The following SLC17A2 variants were observed in gnomAD, a reference collection of about 807,000 sequenced individuals.
The protein encoded by SLC17A2 is solute carrier family 17 member 2, also known as sodium-dependent phosphate transport protein 3.
In SLC17A2, 38 loss-of-function variants were observed where a neutral mutation model predicts 52.1. The ratio of observed to expected loss-of-function variants is 0.73; its 90% CI spans 0.56 to 0.96. The LOEUF (loss-of-function observed/expected upper bound fraction) is 0.96, where lower values mean the gene tolerates loss of function less well. Ranked by LOEUF, SLC17A2 falls within the 40% of genes least tolerant of loss-of-function variation. The probability of loss-of-function intolerance (pLI) is 0.00; values close to 1 mark genes in which losing one functional copy is unlikely to be tolerated. For missense variants in SLC17A2, 508 were observed against 583.9 expected (o/e 0.87, Z 1.34); for synonymous variants, 226 against 211.9 (o/e 1.07, Z -0.58).
rs1241761584 is a variant in SLC17A2 at position 25,916,717 on chromosome 6, T to C, written c.898A>G (p.Ile300Val). The C allele has an allele frequency of 2.5e-6, 4 of 1,613,832 alleles. No individual in the cohort carries two copies. The highest frequency in any genetic ancestry group is 3.4e-6 in the Non-Finnish European group (4 of 1,179,712). ...TIILTYLPTYISTLLHVNIRD... is the reference protein window; with the variant it reads ...TIILTYLPTYVSTLLHVNIRD... ...ATGTTAACATGGAGCAGAGTACTGATATACGTTGGTAGGTATGTTAGGATG... is the reference window on the plus strand; with the variant it reads ...ATGTTAACATGGAGCAGAGTACTGACATACGTTGGTAGGTATGTTAGGATG... The change falls in exon 8 of 12, where the codon ATC (isoleucine) becomes GTC (valine). Residue 300 changes from isoleucine (I) to valine (V), a missense_variant. Physicochemically the swap from Ile to Val is conservative, Grantham distance 29. Transcript: ENST00000377850.
Position 25,923,836 on chromosome 6 carries a change from C to T in SLC17A2, c.99G>A (p.Thr33=), listed in dbSNP as rs143097622. 259 of 1,614,176 alleles carry T rather than the reference C, an allele frequency of 1.6e-4. No individual in the cohort carries two copies. Among genetic ancestry groups the T allele is most frequent in the Middle Eastern group, 3.3e-4 (2 of 6,058 alleles). The change falls in exon 3 of 12, where the codon ACG becomes ACA. Residue 33 remains threonine (T), a synonymous_variant. Coordinates refer to ENST00000377850, the MANE Select transcript of SLC17A2 (RefSeq NM_001286123.3). ...TCGCAATGCTCAGACTCACACGCTGCGTTATCATGGTGAAGTTTGAGAAGT... is the reference window on the plus strand; with the variant it reads ...TCGCAATGCTCAGACTCACACGCTGTGTTATCATGGTGAAGTTTGAGAAGT... ...IMHFSNFTMI[T]QRVSLSIAII... is the part of the protein sequence containing the mutation.
Position 25,916,708 on chromosome 6 carries a change from GA to G in SLC17A2, c.906del (p.Leu303CysfsTer26). On this transcript the variant is annotated frameshift_variant, in exon 8 of 12. Coordinates refer to ENST00000377850, the MANE Select transcript of SLC17A2 (RefSeq NM_001286123.3). LOFTEE classifies it high-confidence loss of function. The part of the protein sequence containing the change: ...ILTYLPTYIS[T>X]LLHVNIRDSG... ...ACATCTCTGATGTTAACATGGAGCA[GA>G]GTACTGATATACGTTGGTAGGTATG... 1 of 1,613,516 alleles carries G rather than the reference GA, an allele frequency of 6.2e-7. No individual in the cohort carries two copies. Among genetic ancestry groups the G allele is most frequent in the Non-Finnish European group, 8.5e-7 (1 of 1,179,400 alleles).
At chr6:25,920,346 A>G (rs535569253) in intron 5 of SLC17A2, among the ~76,000 whole-genome samples, 1 of 152,282 alleles carries the variant, frequency 6.6e-6, no homozygotes, top group Admixed American at 6.5e-5. Flanking sequence ...ATCACATACC[A>G]TGGAAAGGCA....
At chr6:25,914,489 T>C in intron 11 of SLC17A2, 91 bp downstream of exon 11, 1 of 806,690 alleles carries the variant, frequency 1.2e-6, no homozygotes, top group Non-Finnish European at 2.2e-6. Flanking sequence ...AGAGTAATTG[T>C]GTTGCCATCC....
At position 25,923,883 on chromosome 6, in the gene SLC17A2, A is replaced by G. The variant is rs769746868; in HGVS notation, c.52T>C (p.Tyr18His). 3 of 1,614,146 alleles carry G rather than the reference A, an allele frequency of 1.9e-6. No individual in the cohort carries two copies. Among genetic ancestry groups the G allele is most frequent in the East Asian group, 2.2e-5 (1 of 44,880 alleles). Reference sequence around the variant, plus strand: ...AAGTGCATGATAAGAGCCAGCCCATAGCGTAATGAACAGAAATCTGGACCT... The same window carrying G: ...AAGTGCATGATAAGAGCCAGCCCATGGCGTAATGAACAGAAATCTGGACCT... ...RKGPDFCSLR[Y>H]GLALIMHFSN... Residue 18 changes from tyrosine (Y) to histidine (H), a missense_variant, in exon 3 of 12, where the codon TAT becomes CAT. By Grantham distance (83) the Tyr-to-His change is moderately conservative (BLOSUM62 2). Transcript: ENST00000377850.
intron 11 of SLC17A2, 117 bp from the exon 12 acceptor site, chr6:25,913,568 G>A (rs2151540182): frequency 1.1e-6 from 1 of 949,006 alleles, no homozygotes; most frequent in Non-Finnish European, 1.6e-6. Context: ...GGAACAATGT[G>A]CAGTAGTTAC....
chr6:25,927,615 T>A (rs1377249076), intron 1 of SLC17A2, among the ~76,000 whole-genome samples: 1 of 152,270 alleles, frequency 6.6e-6, no homozygotes, highest in Non-Finnish European at 1.5e-5. Flanking sequence ...ATAATTGGAC[T>A]TCATCAGCAT....
intron 11 of SLC17A2, 81 bp downstream of exon 11, chr6:25,914,499 C>A: frequency 1.1e-6 from 1 of 880,704 alleles, no homozygotes; most frequent in East Asian, 2.5e-5. Context: ...TGTTGCCATC[C>A]AGATCTTTAG....
chr6:25,918,595 A>G (rs769030947), intron 5 of SLC17A2, 22 bp from the exon 6 acceptor site: 2 of 1,531,410 alleles, frequency 1.3e-6, no homozygotes, highest in South Asian at 2.2e-5. Flanking sequence ...AGGGAGAAAA[A>G]CACTTATGAA....
At position 25,923,727 on chromosome 6, in the gene SLC17A2, A is replaced by C. The variant is rs750851628; in HGVS notation, c.208T>G (p.Ser70Ala). Residue 70 changes from serine (S) to alanine (A), a missense_variant, in exon 3 of 12, where the codon TCC becomes GCC. Physicochemically the swap from Ser to Ala is moderately conservative, Grantham distance 99. Coordinates refer to ENST00000377850, the MANE Select transcript of SLC17A2 (RefSeq NM_001286123.3). ...EGPVADAFNN[S>A]SISIKEFDTK... ...TCAAATTCCTTGATGGATATGCTGGAGTTATTGAAGGCATCTGCAACAGGC... is the reference window on the plus strand; with the variant it reads ...TCAAATTCCTTGATGGATATGCTGGCGTTATTGAAGGCATCTGCAACAGGC... 6.2e-7 allele frequency: 1 copy of C among 1,614,062 alleles called. No homozygotes were observed. Among genetic ancestry groups the C allele is most frequent in the South Asian group, 1.1e-5 (1 of 91,076 alleles).
chr6:25,914,742 A>C, intron 10 of SLC17A2, 72 bp from the exon 11 acceptor site: 1 of 915,568 alleles, frequency 1.1e-6, no homozygotes, highest in South Asian at 1.4e-5. Flanking sequence ...ACTCAACTTT[A>C]ATGCAATTCA....
intron 2 of SLC17A2, 114 bp downstream of exon 2, chr6:25,925,655 A>G (rs532774886): frequency 4.9e-5 from 49 of 991,656 alleles, no homozygotes; most frequent in African/African-American, 7.9e-5. Context: ...GCTGGCTCCA[A>G]TGTTACACTG....
intron 5 of SLC17A2, among the ~76,000 whole-genome samples, chr6:25,919,839 G>A (rs935884312): frequency 1.3e-5 from 2 of 152,070 alleles, no homozygotes; most frequent in South Asian, 4.1e-4. Context: ...AGAGCCAGAG[G>A]GAAGTGCAGT....
chr6:25,922,297 C>CT (rs1230275427), intron 3 of SLC17A2, among the ~76,000 whole-genome samples: 1 of 152,154 alleles, frequency 6.6e-6, no homozygotes, highest in South Asian at 2.1e-4. Context: ...AATACTTGAA[C>CT]TATCCCTTGA....
Position 25,925,977 on chromosome 6 carries a change from G to C in SLC17A2, c.-83-98C>G, listed in dbSNP as rs185656493. 7.5e-6 allele frequency: 5 copies of C among 667,596 alleles called. No individual in the cohort carries two copies. The East Asian group carries it at 1.1e-4, about 14-fold the overall frequency. The allele number at this position is 667,596 out of a possible 1,614,324, so 41.4% of individuals were successfully genotyped here. A position where few individuals can be genotyped will look rare whatever the true frequency, so the allele number is the denominator to read the frequency against. On this transcript the variant is annotated intron_variant, in intron 1 of 11. Coordinates refer to ENST00000377850, the MANE Select transcript of SLC17A2 (RefSeq NM_001286123.3). ...TCAGTAAAAGTTTTGACCCAACACA[G>C]CTCTATAACTTACATTTTATGGGGC...
rs781604221 is a variant in SLC17A2, at chr6:25,915,756, C to A, written c.1043G>T (p.Arg348Leu). 1 of 1,614,110 alleles carries A rather than the reference C, an allele frequency of 6.2e-7. No homozygotes were observed. The highest frequency in any genetic ancestry group is 1.7e-5 in the Admixed American group (1 of 60,006). ...CTTACCAAGAGATGAAAAGAGCTTT[C>A]GCACAGTGATCAATCTGAGAAGATT... ...SRNLLRLITV[R>L]KLFSSLGLLL... The change falls in exon 9 of 12, where the codon CGA becomes CTA. Residue 348 changes from arginine to leucine, a missense_variant. By Grantham distance (102) the Arg-to-Leu change is moderately radical (BLOSUM62 -2). Coordinates refer to ENST00000377850, the MANE Select transcript of SLC17A2 (RefSeq NM_001286123.3).
chr6:25,929,596 T>C (rs752042671), intron 1 of SLC17A2, among the ~76,000 whole-genome samples: 45 of 152,182 alleles, frequency 3.0e-4, no homozygotes, highest in African/African-American at 9.2e-4. Flanking sequence ...CCAGAAAACA[T>C]AGAAGCAATT....
In SLC17A2 at chr6:25,925,834, G is replaced by T. The variant is rs1353057349; in HGVS notation, c.-38C>A. 1 of 1,609,606 alleles carries T rather than the reference G, an allele frequency of 6.2e-7. No individual in the cohort carries two copies. The highest frequency in any genetic ancestry group is 1.7e-5 in the Admixed American group (1 of 60,024). On this transcript the variant is annotated 5_prime_UTR_variant, in exon 2 of 12. Transcript: ENST00000377850. ...GGAAATGGTACCACGCTTTGTGGTG[G>T]AGTTTCCCTGTGCCCTGAATCTCTT...
At chr6:25,920,942 T>C (rs1581566807) in intron 5 of SLC17A2, 64 bp downstream of exon 5, 1 of 1,445,616 alleles carries the variant, frequency 6.9e-7, no homozygotes, top group Non-Finnish European at 9.7e-7. Flanking sequence ...ATTTGATTCA[T>C]AGAAGATAAG....
Sources: allele counts gnomAD v4.1 joint callset (sites outside exome capture counted in the v4.1 genomes callset), GRCh38; gene constraint gnomAD v4.1.1; transcripts MANE v1.5; gene names NCBI Gene and HGNC (gene_info 2026-07-23, HGNC 2026-07-21).